Variants in OPRL1 observed in about 807,000 individuals in gnomAD.
OPRL1 encodes opioid related nociceptin receptor 1, also known as nociceptin receptor.
OPRL1 carries 5 observed loss-of-function variants against 15.5 expected under a neutral mutation model. The observed-to-expected ratio is 0.32, with a 90% CI of 0.17 to 0.68. OPRL1 has a LOEUF of 0.68. Among genes scored for constraint, OPRL1 ranks in the 30% least tolerant of loss-of-function variants. OPRL1 has a pLI of 0.72. For synonymous variants in OPRL1, 223 were observed against 230.2 expected (o/e 0.97, Z 0.28); for missense variants, 406 against 515.3 (o/e 0.79, Z 2.05).
In OPRL1 at chr20:64,097,295, C is replaced by T. The variant is rs143748986; in HGVS notation, c.234-507C>T. 2.4e-3 allele frequency among the ~76,000 whole-genome samples: 358 copies of T among 152,254 alleles called. 2 individuals carry two copies. Among genetic ancestry groups the T allele is most frequent in the African/African-American group, 8.2e-3 (342 of 41,536 alleles). ...TCCCCCCGTCACCATTTTCGGTCTC[C>T]ATTGCTAGGCAGCAGTGTGGACTTG... On this transcript the variant is annotated intron_variant, in intron 3 of 4. Coordinates refer to ENST00000336866, the MANE Select transcript of OPRL1 (RefSeq NM_182647.4). The surrounding 1 kb of genome is among the most constrained non-coding windows in gnomAD (Gnocchi z 4.2).
Position 64,083,600 on chromosome 20 carries a change from G to T in OPRL1, c.-185+3248G>T. On this transcript the variant is annotated intron_variant, in intron 1 of 4. Transcript: ENST00000336866. The surrounding 1 kb of genome is among the most constrained non-coding windows in gnomAD (Gnocchi z 4.9). ...GTCTGCACCTCTTGGCGGTCCAGGG[G>T]GTCCGGGATCCGCGCGGGCTTCAGC... 5 of 1,489,104 alleles carry T rather than the reference G, an allele frequency of 3.4e-6. No homozygotes were observed. The highest frequency in any genetic ancestry group is 4.5e-6 in the Non-Finnish European group (5 of 1,119,974). The allele number at this position is 1,489,104 out of a possible 1,614,324, so 92.2% of individuals were successfully genotyped here.
chr20:64,092,799 C>T lies in OPRL1; in HGVS notation c.79C>T (p.Pro27Ser). 1 of 1,612,762 alleles carries T rather than the reference C, an allele frequency of 6.2e-7. No individual in the cohort carries two copies. The highest frequency in any genetic ancestry group is 8.5e-7 in the Non-Finnish European group (1 of 1,179,952). ...HLQGNLSLLSPNHSLLPPHLL... is the reference protein window; with the variant it reads ...HLQGNLSLLSSNHSLLPPHLL... ...TCAGGGCAACCTGTCCCTCCTGAGC[C>T]CCAACCACAGTCTGCTGCCCCCGCA... Residue 27 changes from proline (P) to serine (S), a missense_variant, in exon 3 of 5, where the codon CCC becomes TCC. Coordinates refer to ENST00000336866, the MANE Select transcript of OPRL1 (RefSeq NM_182647.4).
At chr20:64,082,853 T>G (rs975309660) in intron 1 of OPRL1, among the ~76,000 whole-genome samples, 1 of 150,350 alleles carries the variant, frequency 6.7e-6, no homozygotes, top group Non-Finnish European at 1.5e-5. Flanking sequence ...CATGGGGCAT[T>G]AAAGGGGTCA....
chr20:64,097,654 A>C lies in OPRL1; in HGVS notation c.234-148A>C. The C allele has an allele frequency of 1.4e-6, 1 of 714,784 alleles. No homozygotes were observed. Among genetic ancestry groups the C allele is most frequent in the South Asian group, 1.7e-5 (1 of 57,762 alleles). 44.3% of individuals were successfully genotyped at this position (714,784 alleles called of 1,614,324 possible). A position where few individuals can be genotyped will look rare whatever the true frequency, so the allele number is the denominator to read the frequency against. Reference sequence around the variant, plus strand: ...GAGTCTCAGGTTGGGTCCAGGAGCTATCACTTACCAAGCCCCCATGGGAAC... The same window carrying C: ...GAGTCTCAGGTTGGGTCCAGGAGCTCTCACTTACCAAGCCCCCATGGGAAC... On this transcript the variant is annotated intron_variant, in intron 3 of 4. Coordinates refer to ENST00000336866, the MANE Select transcript of OPRL1 (RefSeq NM_182647.4). This position sits in a 1 kb window ranked among gnomAD's most constrained non-coding sequence, Gnocchi z 4.2.
In OPRL1 at chr20:64,089,485, C is replaced by T. The variant is rs1164486294; in HGVS notation, c.-184-2481C>T. Among the ~76,000 whole-genome samples, 1 of 152,068 alleles carries T rather than the reference C, an allele frequency of 6.6e-6. No homozygotes were observed. Among genetic ancestry groups the T allele is most frequent in the Non-Finnish European group, 1.5e-5 (1 of 67,994 alleles). The stretch of plus-strand genomic sequence containing the variant: ...CCCTCCTTTCTTCCTGTCCTCCTAT[C>T]CCCAGCGTGTTTTCCTCCCTCTTCT... On this transcript the variant is annotated intron_variant, in intron 1 of 4. Coordinates refer to ENST00000336866, the MANE Select transcript of OPRL1 (RefSeq NM_182647.4). This position sits in a 1 kb window ranked among gnomAD's most constrained non-coding sequence, Gnocchi z 5.5.
chr20:64,093,388 A>G (rs1357974577), intron 3 of OPRL1, among the ~76,000 whole-genome samples: 1 of 143,338 alleles, frequency 7.0e-6, no homozygotes, highest in Non-Finnish European at 1.5e-5. Context: ...GCTCCTGCTC[A>G]TGGCAGGTGT....
chr20:64,088,529 G>T (rs1177372286), intron 1 of OPRL1, among the ~76,000 whole-genome samples: 2 of 149,476 alleles, frequency 1.3e-5, no homozygotes, highest in Non-Finnish European at 3.0e-5. Flanking sequence ...TATGTGGGGT[G>T]GGGGCACGGT....
rs1217572440 is a variant in OPRL1, at chr20:64,090,454, C to T, written c.-184-1512C>T. Among the ~76,000 whole-genome samples, 1 of 152,182 alleles carries T rather than the reference C, an allele frequency of 6.6e-6. No homozygotes were observed. The highest frequency in any genetic ancestry group is 6.5e-5 in the Admixed American group (1 of 15,280). On this transcript the variant is annotated intron_variant, in intron 1 of 4. Coordinates refer to ENST00000336866, the MANE Select transcript of OPRL1 (RefSeq NM_182647.4). The surrounding 1 kb of genome is among the most constrained non-coding windows in gnomAD (Gnocchi z 4.9). Reference sequence around the variant, plus strand: ...ATCCTAGCAACGCTGCTGCCAGTTGCCTAGCAACCAGGTCCCCACTCATGG... The same window carrying T: ...ATCCTAGCAACGCTGCTGCCAGTTGTCTAGCAACCAGGTCCCCACTCATGG...
At chr20:64,088,734 G>GGA (rs869044791) in intron 1 of OPRL1, among the ~76,000 whole-genome samples, 26 of 8,364 alleles carry the variant, frequency 3.1e-3, no homozygotes, top group African/African-American at 4.1e-3. Flanking sequence ...ATCTGTGCAA[G>GGA]GGGTAGGATC....
Position 64,083,745 on chromosome 20 carries a change from C to T in OPRL1, c.-185+3393C>T. ...TAGCTGAGCGCGCGCCGAGCCCCGC[C>T]CCGCCCCGCCCCGGCCGGCTCCGCT... is the stretch of plus-strand genomic sequence containing the variant. On this transcript the variant is annotated intron_variant, in intron 1 of 4. Transcript: ENST00000336866. This position sits in a 1 kb window ranked among gnomAD's most constrained non-coding sequence, Gnocchi z 4.9. 1.5e-6 allele frequency: 2 copies of T among 1,338,380 alleles called. No individual in the cohort carries two copies. The highest frequency in any genetic ancestry group is 3.1e-5 in the East Asian group (1 of 32,058). The allele number at this position is 1,338,380 out of a possible 1,614,324, so 82.9% of individuals were successfully genotyped here.
rs1357176165 is a variant in OPRL1, at chr20:64,088,760, G to T, written c.-184-3206G>T. 8.4e-5 allele frequency among the ~76,000 whole-genome samples: 10 copies of T among 118,456 alleles called. 1 individual carries two copies. Among genetic ancestry groups the T allele is most frequent in the South Asian group, 2.9e-4 (1 of 3,444 alleles). The allele number at this position is 118,456 out of a possible 152,430, so 77.7% of individuals were successfully genotyped here. A position where few individuals can be genotyped will look rare whatever the true frequency, so the allele number is the denominator to read the frequency against. The stretch of plus-strand genomic sequence containing the variant: ...GGGTAGGATCTGTGCAGAGTGGCCA[G>T]GATCTGTGCAGGGAGGGTAGGATCT... On this transcript the variant is annotated intron_variant, in intron 1 of 4. Coordinates refer to ENST00000336866, the MANE Select transcript of OPRL1 (RefSeq NM_182647.4).
At position 64,082,575 on chromosome 20, in the gene OPRL1, CG is replaced by C. The variant is rs568291191; in HGVS notation, c.-185+2225del. ...GAGGAGCGGTTTGTCTGAGTTCCTGCGGTCCCGCTTCTGTGCAGCCTGCTGG... is the reference window on the plus strand; with the variant it reads ...GAGGAGCGGTTTGTCTGAGTTCCTGCGTCCCGCTTCTGTGCAGCCTGCTGG... On this transcript the variant is annotated intron_variant, in intron 1 of 4. Transcript: ENST00000336866. 2.6e-5 allele frequency among the ~76,000 whole-genome samples: 4 copies of C among 152,116 alleles called. No individual in the cohort carries two copies. The South Asian group carries it at 8.3e-4, about 32-fold the overall frequency.
intron 1 of OPRL1, among the ~76,000 whole-genome samples, chr20:64,091,427 C>T (rs1162843859): frequency 1.3e-5 from 2 of 152,244 alleles, no homozygotes; most frequent in Non-Finnish European, 2.9e-5. Context: ...TGGCCTCACA[C>T]CTCTGAGGCT....
At chr20:64,091,553 C>T (rs924902566) in intron 1 of OPRL1, among the ~76,000 whole-genome samples, 3 of 152,152 alleles carry the variant, frequency 2.0e-5, no homozygotes, top group Non-Finnish European at 2.9e-5. Flanking sequence ...TTGTTTACGA[C>T]GAAGCTTTGA....
intron 1 of OPRL1, among the ~76,000 whole-genome samples, chr20:64,087,929 C>T (rs145773061): frequency 1.5e-3 from 236 of 152,340 alleles, no homozygotes; most frequent in Non-Finnish European, 2.6e-3. Flanking sequence ...TCCGTGGGAG[C>T]GTTTCTGGGT....
At chr20:64,082,416 G>A (rs1485223316) in intron 1 of OPRL1, among the ~76,000 whole-genome samples, 2 of 152,342 alleles carry the variant, frequency 1.3e-5, no homozygotes, top group East Asian at 3.9e-4. Flanking sequence ...AGGGCTGGCT[G>A]AGGGGCGAGT....
rs148321107 is a variant in OPRL1, at chr20:64,083,067, G to A, written c.-185+2715G>A. Among the ~76,000 whole-genome samples, 2 of 152,290 alleles carry A rather than the reference G, an allele frequency of 1.3e-5. No individual in the cohort carries two copies. Among genetic ancestry groups the A allele is most frequent in the Admixed American group, 6.5e-5 (1 of 15,296 alleles). ...ATGACTCGCACTCGAGACCACTGCA[G>A]CCTGAGGCTACCCTTACATCTGGGG... On this transcript the variant is annotated intron_variant, in intron 1 of 4. Coordinates refer to ENST00000336866, the MANE Select transcript of OPRL1 (RefSeq NM_182647.4). This position sits in a 1 kb window ranked among gnomAD's most constrained non-coding sequence, Gnocchi z 4.9.
chr20:64,083,089 G>A lies in OPRL1; in HGVS notation c.-185+2737G>A, dbSNP rs896107648. ...GCAGCCTGAGGCTACCCTTACATCT[G>A]GGGGTGACTTCTGCTGAAACAGGCT... On this transcript the variant is annotated intron_variant, in intron 1 of 4. Coordinates refer to ENST00000336866, the MANE Select transcript of OPRL1 (RefSeq NM_182647.4). This position sits in a 1 kb window ranked among gnomAD's most constrained non-coding sequence, Gnocchi z 4.9. 3.3e-5 allele frequency among the ~76,000 whole-genome samples: 5 copies of A among 152,160 alleles called. No individual in the cohort carries two copies. The East Asian group carries it at 7.7e-4, about 23-fold the overall frequency.
At chr20:64,095,239 T>C (rs1367427570) in intron 3 of OPRL1, among the ~76,000 whole-genome samples, 3 of 33,482 alleles carry the variant, frequency 9.0e-5, no homozygotes, top group Non-Finnish European at 1.6e-4. Flanking sequence ...GGGGGGATAG[T>C]GGGGGGATAG....
Sources: allele counts gnomAD v4.1 joint callset (sites outside exome capture counted in the v4.1 genomes callset), GRCh38; gene constraint gnomAD v4.1.1; non-coding constraint Gnocchi (gnomAD v3.1); transcripts MANE v1.5; gene names NCBI Gene and HGNC (gene_info 2026-07-23, HGNC 2026-07-21).